GSE1: variants seen among roughly 807,000 people sequenced by gnomAD.
The protein encoded by GSE1 is genetic suppressor element 1.
In GSE1, 32 loss-of-function variants were observed where a neutral mutation model predicts 112.6. That is an observed-to-expected ratio of 0.28 (90% CI 0.21 to 0.38). The LOEUF is 0.38. Among genes scored for constraint, GSE1 ranks in the 10% least tolerant of loss-of-function variants. GSE1 has a pLI of 1.00. For missense variants in GSE1, 2,348 were observed against 1,699.2 expected, an observed-to-expected ratio of 1.38 and a Z score of -6.71; for synonymous variants, 1,115 against 735.6, an observed-to-expected ratio of 1.52 and a Z score of -8.35.
intron 1 of GSE1, among the ~76,000 whole-genome samples, chr16:85,263,954 G>C (rs1254441341): frequency 6.6e-6 from 1 of 152,192 alleles, no homozygotes; most frequent in Non-Finnish European, 1.5e-5. Context: ...AGGGTGGACA[G>C]ACAGAGCTTA....
At chr16:85,488,142 A>G (rs1293543984) in intron 2 of GSE1, among the ~76,000 whole-genome samples, 1 of 152,064 alleles carries the variant, frequency 6.6e-6, no homozygotes, top group African/African-American at 2.4e-5. Context: ...GGAAAACCCG[A>G]GTGATGGGGT....
chr16:85,507,554 A>G (rs1475978975), intron 2 of GSE1, among the ~76,000 whole-genome samples: 1 of 152,160 alleles, frequency 6.6e-6, no homozygotes, highest in Non-Finnish European at 1.5e-5. Context: ...GCAGTTCTGG[A>G]GGCCAGGAGC....
In GSE1 at chr16:85,661,221, G is replaced by A. The variant is rs768099490; in HGVS notation, c.1716G>A (p.Ser572=). The A allele has an allele frequency of 7.7e-5, 124 of 1,609,172 alleles. No homozygotes were observed. Among genetic ancestry groups the A allele is most frequent in the Middle Eastern group, 1.6e-4 (1 of 6,072 alleles). ...QHFGGPPPLI[S]PKPQLHAAPT... ...TTGGGGGGCCACCACCTCTGATTTC[G>A]CCCAAGCCCCAGCTCCATGCTGCAC... The change falls in exon 9 of 16, where the codon TCG becomes TCA. Residue 572 remains serine (S), a synonymous_variant. Coordinates refer to ENST00000253458, the MANE Select transcript of GSE1 (RefSeq NM_014615.5).
chr16:85,180,458 G>A (rs907957661), intron 1 of GSE1, among the ~76,000 whole-genome samples: 16 of 152,220 alleles, frequency 1.1e-4, no homozygotes, highest in African/African-American at 7.2e-5. Flanking sequence ...CCAAGCCCTC[G>A]GGCTCTGATG....
intron 2 of GSE1, among the ~76,000 whole-genome samples, chr16:85,452,430 A>C (rs576324835): frequency 6.6e-6 from 1 of 152,316 alleles, no homozygotes; most frequent in East Asian, 1.9e-4. Context: ...ACTCTAACAA[A>C]TGCAGATGGC....
chr16:85,407,364 GGC>G (rs1411152430), intron 2 of GSE1, among the ~76,000 whole-genome samples: 1 of 16,740 alleles, frequency 6.0e-5, no homozygotes, highest in African/African-American at 5.6e-4. Context: ...TTACACTCAG[GGC>G]CCCCCCGGAT....
chr16:85,617,440 T>C (rs1206895982), intron 1 of GSE1, among the ~76,000 whole-genome samples: 3 of 152,116 alleles, frequency 2.0e-5, no homozygotes, highest in Non-Finnish European at 4.4e-5. Context: ...GGGAGGCAGG[T>C]GGAGGAAGTG....
At chr16:85,645,088 G>A (rs1262250849) in intron 2 of GSE1, among the ~76,000 whole-genome samples, 1 of 151,224 alleles carries the variant, frequency 6.6e-6, no homozygotes, top group Non-Finnish European at 1.5e-5. Flanking sequence ...CCCCTCCTCA[G>A]GTGGATCTAG....
intron 2 of GSE1, among the ~76,000 whole-genome samples, chr16:85,478,898 T>TC (rs1491203705): frequency 1.3e-5 from 1 of 78,804 alleles, no homozygotes; most frequent in African/African-American, 6.5e-5. Context: ...TTTCTTTCTT[T>TC]CTTTCTTTCT....
chr16:85,622,460 A>G (rs1432240666), intron 1 of GSE1, among the ~76,000 whole-genome samples: 2 of 151,658 alleles, frequency 1.3e-5, no homozygotes, highest in African/African-American at 4.9e-5. Flanking sequence ...CACTTAGGGA[A>G]CTCTGTGCTG....
intron 2 of GSE1, among the ~76,000 whole-genome samples, chr16:85,493,715 G>T (rs536791681): frequency 4.0e-5 from 6 of 151,434 alleles, no homozygotes; most frequent in African/African-American, 1.5e-4. Flanking sequence ...GCTTGAACCC[G>T]GGAGGTAGAG....
At chr16:85,453,481 C>G (rs1337068329) in intron 2 of GSE1, among the ~76,000 whole-genome samples, 1 of 152,058 alleles carries the variant, frequency 6.6e-6, no homozygotes, top group African/African-American at 2.4e-5. Flanking sequence ...TGGGTCCCAG[C>G]TTAGGTGTGA....
At chr16:85,392,976 G>C (rs1029503984) in intron 2 of GSE1, among the ~76,000 whole-genome samples, 1 of 152,206 alleles carries the variant, frequency 6.6e-6, no homozygotes, top group Admixed American at 6.5e-5. Flanking sequence ...CTGCCTCTTT[G>C]GGCTCGGCCT....
chr16:85,622,524 C>T (rs2048806061), intron 1 of GSE1, among the ~76,000 whole-genome samples: 1 of 152,182 alleles, frequency 6.6e-6, no homozygotes, highest in African/African-American at 2.4e-5. Context: ...ACACACGCTC[C>T]CACAGGGTTT....
chr16:85,621,054 A>G (rs1240393063), intron 1 of GSE1, among the ~76,000 whole-genome samples: 1 of 150,294 alleles, frequency 6.7e-6, no homozygotes, highest in African/African-American at 2.5e-5. Context: ...GTGTGGGGGA[A>G]CCCATTTAGA....
At chr16:85,171,144 C>T in exon 1 of GSE1, 1 of 985,668 alleles carries the variant, frequency 1.0e-6, no homozygotes, top group Non-Finnish European at 1.2e-6. Flanking sequence ...GCTTCAGCGT[C>T]CTGGAGGATG....
chr16:85,566,384 G>A (rs1447985543), intron 1 of GSE1, among the ~76,000 whole-genome samples: 2 of 152,218 alleles, frequency 1.3e-5, no homozygotes, highest in Admixed American at 6.5e-5. Context: ...TTCTGAATAA[G>A]TAAAGAAGAA....
At chr16:85,668,588 G>A (rs924003567) in intron 14 of GSE1, among the ~76,000 whole-genome samples, 164 bp downstream of exon 14, 8 of 152,188 alleles carry the variant, frequency 5.3e-5, no homozygotes, top group East Asian at 1.9e-4. Context: ...TTCTGGTAGC[G>A]GTGATGTCCC....
chr16:85,500,998 G>GTTTTTTTTTTGTTTTTT (rs2051342155), intron 2 of GSE1, among the ~76,000 whole-genome samples: 1 of 64,826 alleles, frequency 1.5e-5, no homozygotes, highest in African/African-American at 6.6e-5. Flanking sequence ...GGCCTGTTCT[G>GTTTTTTTTTTGTTTTTT]TTTTTTTTTT....
Sources: allele counts gnomAD v4.1 joint callset (sites outside exome capture counted in the v4.1 genomes callset), GRCh38; gene constraint gnomAD v4.1.1; transcripts MANE v1.5; gene names NCBI Gene and HGNC (gene_info 2026-07-23, HGNC 2026-07-21).